HDAC9: variants seen among roughly 807,000 people sequenced by gnomAD.
HDAC9 encodes the protein histone deacetylase 9, also known as MEF-2 interacting transcription repressor (MITR) protein.
In HDAC9, 41 loss-of-function variants were observed where a neutral mutation model predicts 139.4. The ratio of observed to expected loss-of-function variants is 0.29; its 90% CI spans 0.23 to 0.38. The LOEUF (loss-of-function observed/expected upper bound fraction) is 0.38, where lower values mean the gene tolerates loss of function less well. Ranked by LOEUF, HDAC9 falls within the 10% of genes least tolerant of loss-of-function variation. HDAC9 has a pLI of 1.00. For synonymous variants in HDAC9, 517 were observed against 476.2 expected, an observed-to-expected ratio of 1.09 and a Z score of -1.12; for missense variants, 1,147 against 1,297.0, an observed-to-expected ratio of 0.88 and a Z score of 1.78.
chr7:18,773,411 A>G (rs1045289717), intron 16 of HDAC9, among the ~76,000 whole-genome samples: 1 of 147,760 alleles, frequency 6.8e-6, no homozygotes, highest in Non-Finnish European at 1.5e-5. Context: ...ACACACACAC[A>G]AAAGCACCTA....
intron 1 of HDAC9, among the ~76,000 whole-genome samples, chr7:18,323,542 A>C (rs982983377): frequency 6.6e-6 from 1 of 152,160 alleles, no homozygotes; most frequent in African/African-American, 2.4e-5. Flanking sequence ...TTTTATAGAC[A>C]TGCTGATGTC....
chr7:18,156,798 GC>G (rs1448452336), intron 1 of HDAC9, among the ~76,000 whole-genome samples: 1 of 152,226 alleles, frequency 6.6e-6, no homozygotes, highest in Admixed American at 6.5e-5. Context: ...GGAGTGGTTG[GC>G]TAAGAATTCT....
chr7:18,978,410 A>T (rs1784688476), intron 25 of HDAC9, among the ~76,000 whole-genome samples: 1 of 152,158 alleles, frequency 6.6e-6, no homozygotes, highest in Non-Finnish European at 1.5e-5. Flanking sequence ...AGGGGATGAC[A>T]ACACAGTGCA....
intron 24 of HDAC9, among the ~76,000 whole-genome samples, chr7:18,972,119 TAGAAA>T (rs1267584261): frequency 5.3e-5 from 8 of 152,194 alleles, no homozygotes; most frequent in African/African-American, 9.7e-5. Context: ...CATAGGCTCA[TAGAAA>T]AGAAAAGGTT....
At chr7:18,700,247 G>A (rs574472863) in intron 12 of HDAC9, among the ~76,000 whole-genome samples, 1 of 152,326 alleles carries the variant, frequency 6.6e-6, no homozygotes, top group African/African-American at 2.4e-5. Context: ...TGGGGAGAGG[G>A]AGAGAAGTAG....
intron 14 of HDAC9, among the ~76,000 whole-genome samples, chr7:18,750,213 A>G (rs1584970613): frequency 6.6e-6 from 1 of 152,220 alleles, no homozygotes; most frequent in African/African-American, 2.4e-5. Flanking sequence ...ACTTTTGAAG[A>G]TGCAAAGCCA....
At chr7:18,865,280 A>G (rs1409376561) in intron 21 of HDAC9, among the ~76,000 whole-genome samples, 3 of 152,148 alleles carry the variant, frequency 2.0e-5, no homozygotes, top group African/African-American at 7.2e-5. Context: ...ATTTCTGGAT[A>G]TATTTTGAAA....
intron 8 of HDAC9, among the ~76,000 whole-genome samples, chr7:18,644,077 A>C (rs906408108): frequency 1.3e-5 from 2 of 152,154 alleles, no homozygotes; most frequent in Non-Finnish European, 2.9e-5. Context: ...CTACTGTGGC[A>C]TAGGACTCAT....
At position 18,727,737 on chromosome 7, in the gene HDAC9, T is replaced by A. The variant is rs532072495; in HGVS notation, c.1889T>A (p.Leu630His). ...CCTCACCCAGCAATGGACCGCCCCC[T>A]CCAGCCTGGCTCTGCAACTGGTAGG... ...VLPHPAMDRP[L>H]QPGSATGIAY... Residue 630 changes from leucine (L) to histidine (H), a missense_variant, in exon 13 of 26, where the codon CTC becomes CAC. Transcript: ENST00000686413. The A allele has an allele frequency of 3.9e-6, 6 of 1,541,654 alleles. No individual in the cohort carries two copies. The highest frequency in any genetic ancestry group is 4.3e-6 in the Non-Finnish European group (5 of 1,152,462).
intron 12 of HDAC9, among the ~76,000 whole-genome samples, chr7:18,696,775 CTTA>C (rs1783084001): frequency 6.6e-6 from 1 of 152,028 alleles, no homozygotes; most frequent in Admixed American, 6.6e-5. Context: ...GCCAGTTGTT[CTTA>C]TTATTACTTG....
chr7:18,930,773 T>G (rs950328969), intron 22 of HDAC9, among the ~76,000 whole-genome samples: 1 of 152,192 alleles, frequency 6.6e-6, no homozygotes, highest in Non-Finnish European at 1.5e-5. Flanking sequence ...AACATGTGAA[T>G]GGAAATAAAC....
chr7:18,834,013 A>G (rs1796047271), intron 19 of HDAC9, among the ~76,000 whole-genome samples: 1 of 152,204 alleles, frequency 6.6e-6, no homozygotes, highest in Non-Finnish European at 1.5e-5. Flanking sequence ...TGTAATTGTT[A>G]AGAGTTTGGC....
At chr7:18,225,271 A>G (rs143037872) in intron 2 of HDAC9, among the ~76,000 whole-genome samples, 297 of 152,336 alleles carry the variant, frequency 1.9e-3, no homozygotes, top group Non-Finnish European at 3.5e-3. Context: ...TGAGTATGCC[A>G]AAATGACCAC....
intron 2 of HDAC9, among the ~76,000 whole-genome samples, chr7:18,547,398 G>A (rs1354443600): frequency 6.6e-6 from 1 of 152,174 alleles, no homozygotes; most frequent in Non-Finnish European, 1.5e-5. Flanking sequence ...ACCCCGCCCG[G>A]CTAATCTTTT....
At chr7:18,789,245 CAT>C (rs1400451027) in intron 16 of HDAC9, among the ~76,000 whole-genome samples, 2 of 151,518 alleles carry the variant, frequency 1.3e-5, no homozygotes, top group Non-Finnish European at 2.9e-5. Context: ...CCTTTCAGCT[CAT>C]GTACTATTAC....
intron 2 of HDAC9, among the ~76,000 whole-genome samples, chr7:18,568,430 A>G (rs1172591535): frequency 6.6e-6 from 1 of 152,208 alleles, no homozygotes. Flanking sequence ...CTGTGTATTC[A>G]AAGAGAAAGT....
intron 12 of HDAC9, among the ~76,000 whole-genome samples, chr7:18,678,205 G>A (rs1159482570): frequency 6.6e-6 from 1 of 151,718 alleles, no homozygotes; most frequent in Non-Finnish European, 1.5e-5. Context: ...TTGCTATTTA[G>A]TAACTCTTAA....
chr7:18,451,039 C>T (rs894196375), intron 1 of HDAC9, among the ~76,000 whole-genome samples: 1 of 152,040 alleles, frequency 6.6e-6, no homozygotes, highest in Non-Finnish European at 1.5e-5. Context: ...TATGTTGGAA[C>T]CTAGTCACCA....
At chr7:18,205,814 T>C (rs1791467488) in intron 2 of HDAC9, among the ~76,000 whole-genome samples, 2 of 152,130 alleles carry the variant, frequency 1.3e-5, no homozygotes, top group Admixed American at 1.3e-4. Flanking sequence ...TTTGTGACAG[T>C]CTACAGGTAA....
Sources: gnomAD v4.1 joint callset for allele counts (sites outside exome capture counted in the v4.1 genomes callset) on GRCh38, gnomAD v4.1.1 for gene constraint, MANE v1.5 for transcripts, NCBI Gene and HGNC (gene_info 2026-07-23, HGNC 2026-07-21) for gene names.